ELAVL2: variants seen among roughly 807,000 people sequenced by gnomAD.
ELAVL2 encodes ELAV-like protein 2.
ELAVL2 carries 4 observed loss-of-function variants against 34.6 expected under a neutral mutation model. That is an observed-to-expected ratio of 0.12 (90% CI 0.06 to 0.26). The LOEUF (loss-of-function observed/expected upper bound fraction) is 0.26. ELAVL2 is among the 10% of genes least tolerant of loss of function. The pLI, the probability that ELAVL2 is intolerant of heterozygous loss-of-function variation, is 1.00. For missense variants in ELAVL2, 432 were observed against 442.8 expected, an observed-to-expected ratio of 0.98 and a Z score of 0.22; for synonymous variants, 193 against 154.8, an observed-to-expected ratio of 1.25 and a Z score of -1.83.
intron 2 of ELAVL2, among the ~76,000 whole-genome samples, chr9:23,739,389 T>A (rs1037134046): frequency 2.0e-5 from 3 of 152,166 alleles, no homozygotes; most frequent in Non-Finnish European, 4.4e-5. Context: ...TACCTTCAGA[T>A]AGCCTGAAAG....
intron 3 of ELAVL2, 36 bp downstream of exon 3, chr9:23,730,985 TG>T: frequency 6.4e-7 from 1 of 1,568,714 alleles, no homozygotes; most frequent in Non-Finnish European, 8.7e-7. Flanking sequence ...TTTAAACTTC[TG>T]TTCCGCAAGT....
At chr9:23,791,454 A>G (rs1047566961) in intron 1 of ELAVL2, among the ~76,000 whole-genome samples, 4 of 152,222 alleles carry the variant, frequency 2.6e-5, no homozygotes, top group South Asian at 2.1e-4. Context: ...CAACGTGACT[A>G]TATTTGAAAA....
chr9:23,761,378 C>G (rs547020556), intron 2 of ELAVL2, among the ~76,000 whole-genome samples: 1 of 152,022 alleles, frequency 6.6e-6, no homozygotes, highest in African/African-American at 2.4e-5. Context: ...AAAATTTAGT[C>G]AAATCTTAAA....
At position 23,691,177 on chromosome 9, in the gene ELAVL2, A is replaced by G. The variant is rs2033047236; in HGVS notation, c.*1380T>C. ...AAAGTGATTAAGCAAGACCTCAAGT[A>G]ACAATGTTAATGCCATTTACAAAGG... On this transcript the variant is annotated 3_prime_UTR_variant, in exon 7 of 7. Coordinates refer to ENST00000397312, the MANE Select transcript of ELAVL2 (RefSeq NM_004432.5). The G allele has an allele frequency of 6.6e-6, 1 of 152,602 alleles. No homozygotes were observed. Among genetic ancestry groups the G allele is most frequent in the Non-Finnish European group, 1.5e-5 (1 of 68,002 alleles). 9.5% of individuals were successfully genotyped at this position (152,602 alleles called of 1,614,324 possible).
At chr9:23,783,792 G>GAA (rs550955271) in intron 1 of ELAVL2, among the ~76,000 whole-genome samples, 9 of 147,338 alleles carry the variant, frequency 6.1e-5, no homozygotes, top group African/African-American at 2.2e-4. Flanking sequence ...GATGACAGAT[G>GAA]AAAAAAAAAA....
At chr9:23,796,326 CA>C (rs767684228) in intron 1 of ELAVL2, among the ~76,000 whole-genome samples, 1 of 152,184 alleles carries the variant, frequency 6.6e-6, no homozygotes, top group Non-Finnish European at 1.5e-5. Flanking sequence ...TTGCAATCTC[CA>C]TTTAAAAAGC....
chr9:23,723,147 A>G (rs2044167454), intron 3 of ELAVL2, among the ~76,000 whole-genome samples: 1 of 152,182 alleles, frequency 6.6e-6, no homozygotes, highest in Admixed American at 6.5e-5. Flanking sequence ...CACTATTCAC[A>G]ATAGCAAAGA....
rs748915626 is a variant in ELAVL2, at chr9:23,692,077, T to G, written c.*480A>C. The G allele has an allele frequency of 6.5e-6, 1 of 154,152 alleles. No homozygotes were observed. Among genetic ancestry groups the G allele is most frequent in the South Asian group, 2.0e-4 (1 of 4,944 alleles). The allele number at this position is 154,152 out of a possible 1,614,324, so 9.5% of individuals were successfully genotyped here. On this transcript the variant is annotated 3_prime_UTR_variant, in exon 7 of 7. Transcript: ENST00000397312. Reference sequence around the variant, plus strand: ...AAACTTCATAAATAAAAATGTAAACTTCAAAATACTTTTCTTAAACAGACA... The same window carrying G: ...AAACTTCATAAATAAAAATGTAAACGTCAAAATACTTTTCTTAAACAGACA...
chr9:23,770,018 C>T (rs1418042286), intron 1 of ELAVL2, among the ~76,000 whole-genome samples: 4 of 152,176 alleles, frequency 2.6e-5, no homozygotes, highest in African/African-American at 9.7e-5. Flanking sequence ...AAAAGATCTG[C>T]TTAAGTTTCA....
chr9:23,722,890 A>G (rs914544719), intron 3 of ELAVL2, among the ~76,000 whole-genome samples: 1 of 152,184 alleles, frequency 6.6e-6, no homozygotes, highest in African/African-American at 2.4e-5. Context: ...CCTTCTTGGG[A>G]AGTTAACACA....
In ELAVL2 at chr9:23,717,142, C is replaced by G. The variant is rs139999164; in HGVS notation, c.334-12071G>C. Among the ~76,000 whole-genome samples, 43 of 152,282 alleles carry G rather than the reference C, an allele frequency of 2.8e-4. No individual in the cohort carries two copies. In the East Asian group the frequency reaches 7.9e-3, roughly 28 times the overall value. On this transcript the variant is annotated intron_variant, in intron 3 of 6. Transcript: ENST00000397312. ...CTTTGTACTATAACTAGAAGAAAAACTGCTTTGCAACAATGTTCAGAAACC... is the reference window on the plus strand; with the variant it reads ...CTTTGTACTATAACTAGAAGAAAAAGTGCTTTGCAACAATGTTCAGAAACC...
intron 1 of ELAVL2, among the ~76,000 whole-genome samples, chr9:23,770,942 G>A (rs1286355120): frequency 6.6e-6 from 1 of 152,228 alleles, no homozygotes; most frequent in African/African-American, 2.4e-5. Flanking sequence ...ATAACAGGGA[G>A]AGTAGGAGGA....
chr9:23,696,730 A>C (rs2035394527), intron 5 of ELAVL2, among the ~76,000 whole-genome samples: 1 of 151,972 alleles, frequency 6.6e-6, no homozygotes, highest in African/African-American at 2.4e-5. Context: ...TTGGCCTCCC[A>C]AAGTGCTGGG....
At chr9:23,771,609 T>C (rs1230341428) in intron 1 of ELAVL2, among the ~76,000 whole-genome samples, 3 of 152,156 alleles carry the variant, frequency 2.0e-5, no homozygotes, top group Non-Finnish European at 4.4e-5. Context: ...AAATATAAAA[T>C]CACAAATCAG....
chr9:23,756,705 TTTAAAC>T (rs1247444260), intron 2 of ELAVL2, among the ~76,000 whole-genome samples: 1 of 152,168 alleles, frequency 6.6e-6, no homozygotes, highest in Non-Finnish European at 1.5e-5. Flanking sequence ...GGGACAGCAC[TTTAAAC>T]TTAAACTTTC....
At chr9:23,828,486 G>A (rs901073404), upstream of ELAVL2, among the ~76,000 whole-genome samples, 5 of 152,118 alleles carry the variant, frequency 3.3e-5, no homozygotes, top group African/African-American at 7.2e-5. Context: ...AAATGATAGG[G>A]ACAGGTGTGA....
At chr9:23,841,967 C>T in the ELAVL2 span, among the ~76,000 whole-genome samples, 3 of 152,100 alleles carry the variant, frequency 2.0e-5, no homozygotes, top group Non-Finnish European at 4.4e-5. Flanking sequence ...AAAATCAACT[C>T]ATCAGATAAC....
At chr9:23,765,542 A>T (rs1026566917) in intron 1 of ELAVL2, among the ~76,000 whole-genome samples, 7 of 152,180 alleles carry the variant, frequency 4.6e-5, no homozygotes, top group African/African-American at 1.7e-4. Context: ...TCTTTCCCCA[A>T]AATATCAGAA....
chr9:23,781,545 T>G (rs1231712582), intron 1 of ELAVL2, among the ~76,000 whole-genome samples: 1 of 149,642 alleles, frequency 6.7e-6, no homozygotes, highest in Non-Finnish European at 1.5e-5. Context: ...GAAGATAGGT[T>G]CTAATTCTGT....
Sources: gnomAD v4.1 joint callset for allele counts (sites outside exome capture counted in the v4.1 genomes callset) on GRCh38, gnomAD v4.1.1 for gene constraint, MANE v1.5 for transcripts, NCBI Gene and HGNC (gene_info 2026-07-23, HGNC 2026-07-21) for gene names.